Variants in PROS1 observed in about 807,000 individuals in gnomAD.
PROS1 encodes the protein protein S, also known as vitamin K-dependent protein S.
Under a neutral mutation model 75.9 loss-of-function variants are expected in PROS1, and 29 were observed. That is an observed-to-expected ratio of 0.38 (90% CI 0.28 to 0.52). The LOEUF (loss-of-function observed/expected upper bound fraction) is 0.52, where lower values mean the gene tolerates loss of function less well. Among genes scored for constraint, PROS1 ranks in the 20% least tolerant of loss-of-function variants. PROS1 has a pLI of 0.83. For missense variants in PROS1, 680 were observed against 810.3 expected, an observed-to-expected ratio of 0.84 and a Z score of 1.95; for synonymous variants, 245 against 280.6, an observed-to-expected ratio of 0.87 and a Z score of 1.27.
At chr3:93,968,965 A>T (rs551110516) in intron 1 of PROS1, among the ~76,000 whole-genome samples, 2 of 152,274 alleles carry the variant, frequency 1.3e-5, no homozygotes, top group African/African-American at 4.8e-5. Context: ...AAACACAAAC[A>T]TGAGGCACTT....
intron 10 of PROS1, among the ~76,000 whole-genome samples, chr3:93,887,043 C>T (rs963204082): frequency 1.3e-5 from 2 of 151,332 alleles, no homozygotes; most frequent in Non-Finnish European, 3.0e-5. Context: ...CTCAGCCTCC[C>T]GAGTAGCTGG....
intron 1 of PROS1, among the ~76,000 whole-genome samples, chr3:93,962,888 T>C (rs1269698875): frequency 2.6e-5 from 4 of 152,208 alleles, no homozygotes; most frequent in Non-Finnish European, 5.9e-5. Flanking sequence ...TTGAGGCATA[T>C]TCCATTTTAA....
At chr3:93,936,937 T>C (rs528628551) in intron 1 of PROS1, among the ~76,000 whole-genome samples, 1 of 152,314 alleles carries the variant, frequency 6.6e-6, no homozygotes, top group South Asian at 2.1e-4. Flanking sequence ...ATATACAAAT[T>C]GACAGCATGG....
chr3:93,881,815 C>A (rs1457188908), intron 12 of PROS1, among the ~76,000 whole-genome samples: 1 of 152,128 alleles, frequency 6.6e-6, no homozygotes, highest in Non-Finnish European at 1.5e-5. Context: ...GATCTGCCCG[C>A]CTCAGCCTCC....
chr3:93,952,951 C>T (rs1015704306), intron 1 of PROS1, among the ~76,000 whole-genome samples: 3 of 152,120 alleles, frequency 2.0e-5, no homozygotes, highest in African/African-American at 7.2e-5. Context: ...CTATAAACAC[C>T]TCAATGCAAA....
intron 13 of PROS1, among the ~76,000 whole-genome samples, chr3:93,877,692 C>A (rs1244759972): frequency 1.3e-5 from 2 of 152,132 alleles, no homozygotes; most frequent in Non-Finnish European, 2.9e-5. Flanking sequence ...GAAAGAAAAA[C>A]CAGGGATTGC....
chr3:93,878,353 C>A (rs145860015), intron 13 of PROS1, among the ~76,000 whole-genome samples: 1 of 152,154 alleles, frequency 6.6e-6, no homozygotes, highest in African/African-American at 2.4e-5. Flanking sequence ...CCAGAAACTT[C>A]CCATCCTCCT....
At chr3:93,933,489 C>A (rs867946696) in intron 1 of PROS1, among the ~76,000 whole-genome samples, 2 of 151,646 alleles carry the variant, frequency 1.3e-5, no homozygotes, top group African/African-American at 2.4e-5. Flanking sequence ...GCTGAAGGAT[C>A]GCTTGAGCCC....
chr3:93,968,619 A>G (rs1348132188), intron 1 of PROS1, among the ~76,000 whole-genome samples: 1 of 152,186 alleles, frequency 6.6e-6, no homozygotes, highest in African/African-American at 2.4e-5. Flanking sequence ...CAAATTTGGA[A>G]ACCAAGAATG....
At chr3:93,875,241 GGAAA>G (rs1286264351) in intron 14 of PROS1, among the ~76,000 whole-genome samples, 5 of 151,982 alleles carry the variant, frequency 3.3e-5, no homozygotes, top group Non-Finnish European at 2.9e-5. Context: ...TCGATTTTGA[GGAAA>G]GAAATTACTC....
At chr3:93,902,066 CT>C (rs1708604575) in intron 6 of PROS1, among the ~76,000 whole-genome samples, 1 of 152,032 alleles carries the variant, frequency 6.6e-6, no homozygotes, top group Non-Finnish European at 1.5e-5. Flanking sequence ...AATCCTAGCA[CT>C]TTGGGGGTCA....
chr3:93,937,243 G>C (rs1268705070), intron 1 of PROS1, among the ~76,000 whole-genome samples: 1 of 152,216 alleles, frequency 6.6e-6, no homozygotes, highest in African/African-American at 2.4e-5. Flanking sequence ...CAAGCAGGCA[G>C]TACGTGACAG....
At chr3:93,947,225 A>G (rs1393916967) in intron 1 of PROS1, among the ~76,000 whole-genome samples, 1 of 152,186 alleles carries the variant, frequency 6.6e-6, no homozygotes, top group Non-Finnish European at 1.5e-5. Flanking sequence ...TGTTGGTGGG[A>G]CTGTGAACTA....
At chr3:93,943,031 CT>C (rs1709313911) in intron 1 of PROS1, among the ~76,000 whole-genome samples, 3 of 152,148 alleles carry the variant, frequency 2.0e-5, no homozygotes. Context: ...CATTTCTTCC[CT>C]TCTGTCAGAC....
chr3:93,944,623 A>G (rs1241755582), intron 1 of PROS1, among the ~76,000 whole-genome samples: 1 of 152,248 alleles, frequency 6.6e-6, no homozygotes, highest in Non-Finnish European at 1.5e-5. Context: ...CAAAGACACA[A>G]CATACCAGAA....
chr3:93,889,514 G>A (rs1274130485), intron 10 of PROS1, among the ~76,000 whole-genome samples: 2 of 152,104 alleles, frequency 1.3e-5, no homozygotes, highest in Admixed American at 6.6e-5. Context: ...TACCTCTAAT[G>A]TAATGTATTT....
At chr3:93,885,645 G>A (rs1239293312) in intron 11 of PROS1, among the ~76,000 whole-genome samples, 1 of 152,112 alleles carries the variant, frequency 6.6e-6, no homozygotes, top group African/African-American at 2.4e-5. Context: ...CCAGGCTCAA[G>A]ACATGTAATA....
At chr3:93,909,671 T>A (rs2107176564) in intron 4 of PROS1, among the ~76,000 whole-genome samples, 1 of 152,242 alleles carries the variant, frequency 6.6e-6, no homozygotes, top group African/African-American at 2.4e-5. Flanking sequence ...CTTCCAATAC[T>A]TCCAATACTC....
At chr3:93,945,419 C>T (rs1389221809) in intron 1 of PROS1, among the ~76,000 whole-genome samples, 3 of 152,194 alleles carry the variant, frequency 2.0e-5, no homozygotes, top group Non-Finnish European at 2.9e-5. Context: ...CAATAAAATA[C>T]TGGCAAACCG....
Sources: gnomAD v4.1 joint callset for allele counts (sites outside exome capture counted in the v4.1 genomes callset) on GRCh38, gnomAD v4.1.1 for gene constraint, MANE v1.5 for transcripts, NCBI Gene and HGNC (gene_info 2026-07-23, HGNC 2026-07-21) for gene names.